PACRG: variants seen among roughly 807,000 people sequenced by gnomAD.
The protein encoded by PACRG is parkin coregulated.
In PACRG, 29 loss-of-function variants were observed where a neutral mutation model predicts 29.7. That is an observed-to-expected ratio of 0.98 (90% CI 0.73 to 1.33). The LOEUF is 1.33. Ranked by LOEUF, PACRG falls within the 40% of genes most tolerant of loss-of-function variation. PACRG has a pLI of 0.00. For synonymous variants in PACRG, 116 were observed against 118.7 expected (o/e 0.98, Z 0.15); for missense variants, 279 against 316.2 (o/e 0.88, Z 0.89).
intron 3 of PACRG, among the ~76,000 whole-genome samples, chr6:163,073,636 T>C (rs1812278301): frequency 6.6e-6 from 1 of 152,112 alleles, no homozygotes; most frequent in Non-Finnish European, 1.5e-5. Context: ...ATCAACAAAG[T>C]GAAGAGACAT....
At chr6:162,993,079 A>G (rs1198935807) in intron 2 of PACRG, among the ~76,000 whole-genome samples, 1 of 143,722 alleles carries the variant, frequency 7.0e-6, no homozygotes, top group African/African-American at 2.6e-5. Context: ...CCTGAGTTCT[A>G]GTTTGATTGC....
At chr6:162,848,348 C>A (rs1401908681) in intron 2 of PACRG, among the ~76,000 whole-genome samples, 1 of 152,216 alleles carries the variant, frequency 6.6e-6, no homozygotes, top group East Asian at 1.9e-4. Context: ...GAACATCTAT[C>A]TGACTAGCTG....
rs547538174 is a variant in PACRG, at chr6:163,279,351, G to C, written c.614-35476G>C. Among the ~76,000 whole-genome samples, 7 of 152,166 alleles carry C rather than the reference G, an allele frequency of 4.6e-5. No individual in the cohort carries two copies. In the South Asian group the frequency reaches 1.5e-3, roughly 32 times the overall value. Reference sequence around the variant, plus strand: ...TTTCTTTCTCTTGTCTGATTGCTCTGGCTAGGACTTCCAGTACTGTGTTGA... The same window carrying C: ...TTTCTTTCTCTTGTCTGATTGCTCTCGCTAGGACTTCCAGTACTGTGTTGA... On this transcript the variant is annotated intron_variant, in intron 4 of 4. Coordinates refer to ENST00000366888, the MANE Select transcript of PACRG (RefSeq NM_001080379.2).
chr6:163,119,220 G>A (rs955287059), intron 4 of PACRG, among the ~76,000 whole-genome samples: 1 of 152,232 alleles, frequency 6.6e-6, no homozygotes, highest in Non-Finnish European at 1.5e-5. Context: ...CTAGACTCCT[G>A]GGGCCCAATA....
chr6:162,861,759 A>G (rs1296797318), intron 2 of PACRG, among the ~76,000 whole-genome samples: 1 of 152,074 alleles, frequency 6.6e-6, no homozygotes, highest in Non-Finnish European at 1.5e-5. Context: ...CTTTTACTGA[A>G]TCTCTTAAAG....
chr6:163,234,879 G>A (rs1422509464), intron 4 of PACRG, among the ~76,000 whole-genome samples: 1 of 152,162 alleles, frequency 6.6e-6, no homozygotes, highest in Admixed American at 6.5e-5. Context: ...TGAGAGTTGA[G>A]GAAGAGAGCA....
intron 4 of PACRG, among the ~76,000 whole-genome samples, chr6:163,105,521 C>A (rs1815333281): frequency 6.6e-6 from 1 of 151,858 alleles, no homozygotes; most frequent in African/African-American, 2.4e-5. Context: ...AAATATTCAA[C>A]CAGAAAAAAA....
chr6:162,737,563 T>G (rs1780261873), intron 1 of PACRG, among the ~76,000 whole-genome samples: 1 of 152,208 alleles, frequency 6.6e-6, no homozygotes, highest in South Asian at 2.1e-4. Context: ...TAGAGATATT[T>G]GAGAGGAATT....
intron 2 of PACRG, among the ~76,000 whole-genome samples, chr6:162,960,592 T>G (rs967593937): frequency 2.0e-5 from 3 of 152,192 alleles, no homozygotes; most frequent in Non-Finnish European, 4.4e-5. Flanking sequence ...CAACTGATAC[T>G]GCAGACTACT....
chr6:162,847,860 A>C (rs1397566168), intron 2 of PACRG, among the ~76,000 whole-genome samples: 1 of 152,130 alleles, frequency 6.6e-6, no homozygotes, highest in East Asian at 1.9e-4. Flanking sequence ...ATGTTGAGTG[A>C]TCTGGACTTT....
intron 2 of PACRG, among the ~76,000 whole-genome samples, chr6:162,966,777 C>G (rs947066239): frequency 6.6e-6 from 1 of 151,928 alleles, no homozygotes; most frequent in Admixed American, 6.6e-5. Context: ...CACCCGGCCC[C>G]GACATGTATT....
At chr6:163,031,530 T>G (rs1807662702) in intron 2 of PACRG, among the ~76,000 whole-genome samples, 1 of 152,262 alleles carries the variant, frequency 6.6e-6, no homozygotes, top group Non-Finnish European at 1.5e-5. Context: ...TCTTACAACA[T>G]AACTTTTTTG....
intron 2 of PACRG, among the ~76,000 whole-genome samples, chr6:162,932,706 C>A (rs1214646264): frequency 1.3e-5 from 2 of 151,776 alleles, no homozygotes; most frequent in African/African-American, 4.8e-5. Context: ...ATTTGTATGT[C>A]TCTGATCATA....
chr6:162,875,221 GCACACACAGACATGCACAGACATT>G (rs1447829870), intron 2 of PACRG, among the ~76,000 whole-genome samples: 3 of 140,386 alleles, frequency 2.1e-5, no homozygotes, highest in South Asian at 2.4e-4. Flanking sequence ...ACACACACAT[GCACACACAGACATGCACAGACATT>G]CACACACAGA....
intron 4 of PACRG, among the ~76,000 whole-genome samples, chr6:163,254,581 T>C (rs1184396962): frequency 6.6e-6 from 1 of 152,164 alleles, no homozygotes; most frequent in Non-Finnish European, 1.5e-5. Context: ...TGTAGTTTGC[T>C]CTCCCCTTTA....
At chr6:162,862,433 A>G (rs1339188963) in intron 2 of PACRG, among the ~76,000 whole-genome samples, 1 of 152,184 alleles carries the variant, frequency 6.6e-6, no homozygotes, top group Admixed American at 6.5e-5. Context: ...AAGAAAGGAG[A>G]TGCCTGAAAA....
At chr6:163,188,370 T>C (rs1020776965) in intron 4 of PACRG, among the ~76,000 whole-genome samples, 5 of 152,272 alleles carry the variant, frequency 3.3e-5, no homozygotes, top group Non-Finnish European at 7.3e-5. Flanking sequence ...TTGAGCTTAC[T>C]AACTCTAAAT....
At chr6:163,216,954 G>A (rs983222016) in intron 4 of PACRG, among the ~76,000 whole-genome samples, 9 of 152,166 alleles carry the variant, frequency 5.9e-5, no homozygotes, top group East Asian at 3.9e-4. Flanking sequence ...AGCAATGATC[G>A]TTTATACTTG....
chr6:163,101,963 G>A (rs909892290), intron 4 of PACRG, among the ~76,000 whole-genome samples: 11 of 152,264 alleles, frequency 7.2e-5, no homozygotes, highest in East Asian at 3.9e-4. Flanking sequence ...ATGTGCCAGC[G>A]CAGCAAAGCT....
Sources: allele counts gnomAD v4.1 joint callset (sites outside exome capture counted in the v4.1 genomes callset), GRCh38; gene constraint gnomAD v4.1.1; transcripts MANE v1.5; gene names NCBI Gene and HGNC (gene_info 2026-07-23, HGNC 2026-07-21).